MED12L: variants seen among roughly 807,000 people sequenced by gnomAD.
The protein encoded by MED12L is mediator complex subunit 12L, also known as mediator of RNA polymerase II transcription subunit 12-like protein.
In MED12L, 60 loss-of-function variants were observed where a neutral mutation model predicts 281.3. The ratio of observed to expected loss-of-function variants is 0.21; its 90% confidence interval spans 0.17 to 0.26. MED12L has a LOEUF of 0.26. Among genes scored for constraint, MED12L ranks in the 10% least tolerant of loss-of-function variants. The pLI, the probability that MED12L is intolerant of heterozygous loss-of-function variation, is 1.00. For synonymous variants in MED12L, 974 were observed against 987.2 expected, an observed-to-expected ratio of 0.99 and a Z score of 0.25; for missense variants, 2,146 against 2,680.9, an observed-to-expected ratio of 0.80 and a Z score of 4.41.
intron 16 of MED12L, among the ~76,000 whole-genome samples, chr3:151,324,351 T>G (rs901654519): frequency 2.6e-5 from 4 of 152,164 alleles, no homozygotes; most frequent in Admixed American, 2.0e-4. Context: ...TGGCAGCATC[T>G]GGGCTGGTTA....
intron 16 of MED12L, among the ~76,000 whole-genome samples, chr3:151,304,765 A>T (rs1482412888): frequency 6.6e-6 from 1 of 152,170 alleles, no homozygotes; most frequent in Admixed American, 6.5e-5. Flanking sequence ...ATGAAGACTC[A>T]TCCATTATAG....
intron 11 of MED12L, among the ~76,000 whole-genome samples, chr3:151,177,754 A>G (rs1722233669): frequency 6.6e-6 from 1 of 152,088 alleles, no homozygotes; most frequent in Non-Finnish European, 1.5e-5. Flanking sequence ...CGGCTTCCCA[A>G]AGTGTTGGGA....
rs549368177 is a variant in MED12L at position 151,385,534 on chromosome 3, A to G, written c.5088+343A>G. Among the ~76,000 whole-genome samples, 6 of 152,276 alleles carry G rather than the reference A, an allele frequency of 3.9e-5. No homozygotes were observed. In the South Asian group the frequency reaches 1.2e-3, roughly 32 times the overall value. On this transcript the variant is annotated intron_variant, in intron 36 of 44. Transcript: ENST00000687756. ...TCAGATTTAGAAGCAGAATATATTTATCAATGAAAAATTTCTTGTAAGCTG... is the reference window on the plus strand; with the variant it reads ...TCAGATTTAGAAGCAGAATATATTTGTCAATGAAAAATTTCTTGTAAGCTG...
At chr3:151,371,818 T>C (rs1343936003) in intron 26 of MED12L, among the ~76,000 whole-genome samples, 1 of 152,232 alleles carries the variant, frequency 6.6e-6, no homozygotes, top group Non-Finnish European at 1.5e-5. Flanking sequence ...ATGATAGTTA[T>C]TTGTCTCTCA....
In MED12L at chr3:151,409,309, T is replaced by G. The variant is rs756906744; in HGVS notation, c.5887T>G (p.Tyr1963Asp). 1 of 1,613,974 alleles carries G rather than the reference T, an allele frequency of 6.2e-7. No individual in the cohort carries two copies. The highest frequency in any genetic ancestry group is 8.5e-7 in the Non-Finnish European group (1 of 1,180,006). The change falls in exon 40 of 45, where the codon TAT becomes GAT. Residue 1963 changes from tyrosine to aspartate, a missense_variant. By Grantham distance (160) the Tyr-to-Asp change is radical (BLOSUM62 -3). Transcript: ENST00000687756. ...ACGGCCCTCCCCTCAGCTCCCTCAG[T>G]ATCCAGGGCTGCAGCAAGCACAGGT... The part of the protein sequence containing the change: ...QARPSPQLPQ[Y>D]PGLQQAQTMP...
At chr3:151,249,216 C>T (rs998699881) in intron 16 of MED12L, 2 of 152,144 alleles carry the variant, frequency 1.3e-5, no homozygotes, top group African/African-American at 4.8e-5. Flanking sequence ...GGAGACTGAG[C>T]AAGTGAGAGC....
At chr3:151,133,603 GA>G (rs59629188) in intron 5 of MED12L, among the ~76,000 whole-genome samples, 116 of 139,878 alleles carry the variant, frequency 8.3e-4, no homozygotes, top group East Asian at 4.7e-3. Flanking sequence ...TGTGAGACCT[GA>G]AAAAAAAAAA....
rs558960695 is a variant in MED12L, at chr3:151,097,156, G to A, written c.99+10131G>A. ...ATTTCTATCTAGTTTCACTTCCTTG[G>A]TTGAGATACCCCCTTATTTATGGGC... On this transcript the variant is annotated intron_variant, in intron 2 of 44. Transcript: ENST00000687756. 5.3e-5 allele frequency among the ~76,000 whole-genome samples: 8 copies of A among 152,244 alleles called. No individual in the cohort carries two copies. In the East Asian group the frequency reaches 1.4e-3, roughly 26 times the overall value.
chr3:151,351,384 A>G lies in MED12L; in HGVS notation c.2398+1178A>G, dbSNP rs112365872. ...GGGAAAGTTATCCTTCCTGTTATTC[A>G]CATCACCTTCCCTAACTCCCTTCCA... On this transcript the variant is annotated intron_variant, in intron 17 of 44. Transcript: ENST00000687756. Among the ~76,000 whole-genome samples the G allele has an allele frequency of 6.8e-3, 1,039 of 152,318 alleles. 9 individuals carry two copies. Among genetic ancestry groups the G allele is most frequent in the South Asian group, 0.023 (110 of 4,828 alleles).
At chr3:151,375,074 G>A (rs1175614550) in intron 27 of MED12L, among the ~76,000 whole-genome samples, 2 of 152,216 alleles carry the variant, frequency 1.3e-5, no homozygotes, top group African/African-American at 4.8e-5. Context: ...GTATTGAGAG[G>A]CAATTGTGTG....
At chr3:151,262,676 C>T (rs1016983574) in intron 16 of MED12L, among the ~76,000 whole-genome samples, 1 of 152,160 alleles carries the variant, frequency 6.6e-6, no homozygotes, top group Admixed American at 6.5e-5. Flanking sequence ...AAATCACCGA[C>T]AGATTTATTC....
chr3:151,294,820 C>G, intron 16 of MED12L: 2 of 1,614,142 alleles, frequency 1.2e-6, no homozygotes, highest in Non-Finnish European at 1.7e-6. Context: ...GCTTGACCAC[C>G]TTCAGATAGC....
At chr3:151,136,811 G>A (rs897037272) in intron 5 of MED12L, among the ~76,000 whole-genome samples, 1 of 152,110 alleles carries the variant, frequency 6.6e-6, no homozygotes, top group Non-Finnish European at 1.5e-5. Flanking sequence ...TCAATTTTGG[G>A]AGTAGAAATT....
At chr3:151,374,956 A>G (rs952987528) in intron 27 of MED12L, among the ~76,000 whole-genome samples, 7 of 152,212 alleles carry the variant, frequency 4.6e-5, no homozygotes, top group Middle Eastern at 3.4e-3. Context: ...GACATACCTT[A>G]TATATTATTT....
intron 16 of MED12L, among the ~76,000 whole-genome samples, chr3:151,221,138 G>A (rs552394953): frequency 3.9e-5 from 6 of 152,280 alleles, no homozygotes; most frequent in South Asian, 2.1e-4. Flanking sequence ...CTAGAGATTC[G>A]TGGAACTTTG....
At chr3:151,232,207 C>T (rs1037147554) in intron 16 of MED12L, among the ~76,000 whole-genome samples, 1 of 152,278 alleles carries the variant, frequency 6.6e-6, no homozygotes, top group South Asian at 2.1e-4. Context: ...TCTATATACT[C>T]CTCTATGCCA....
chr3:151,264,187 C>T (rs1185572372), intron 16 of MED12L, among the ~76,000 whole-genome samples: 1 of 152,218 alleles, frequency 6.6e-6, no homozygotes, highest in East Asian at 1.9e-4. Flanking sequence ...CTTGTTCCCT[C>T]CCACATTCCC....
At chr3:151,234,739 A>G (rs1319718470) in intron 16 of MED12L, among the ~76,000 whole-genome samples, 2 of 152,204 alleles carry the variant, frequency 1.3e-5, no homozygotes, top group Non-Finnish European at 2.9e-5. Context: ...ACTTGGTTGC[A>G]TGCCTCTCTT....
intron 16 of MED12L, among the ~76,000 whole-genome samples, chr3:151,274,885 A>G (rs1165020364): frequency 6.6e-6 from 1 of 152,194 alleles, no homozygotes. Flanking sequence ...GCCTCATTGT[A>G]AGGAATCAGT....
Sources: allele counts gnomAD v4.1 joint callset (sites outside exome capture counted in the v4.1 genomes callset), GRCh38; gene constraint gnomAD v4.1.1; transcripts MANE v1.5; gene names NCBI Gene and HGNC (gene_info 2026-07-23, HGNC 2026-07-21).